The following YEATS2 variants were observed in gnomAD, a reference collection of about 807,000 sequenced individuals.
YEATS2 encodes the protein YEATS domain-containing protein 2.
A neutral mutation model predicts 163.2 loss-of-function variants in YEATS2; 77 were observed. The ratio of observed to expected loss-of-function variants is 0.47; its 90% confidence interval spans 0.39 to 0.57. YEATS2 has a LOEUF of 0.57. Ranked by LOEUF, YEATS2 falls within the 20% of genes least tolerant of loss-of-function variation. The pLI, the probability that YEATS2 is intolerant of heterozygous loss-of-function variation, is 0.00. For missense variants in YEATS2, 1,549 were observed against 1,729.8 expected (o/e 0.90, Z 1.85); for synonymous variants, 631 against 645.1 (o/e 0.98, Z 0.33).
chr3:183,806,792 T>C, intron 27 of YEATS2, 74 bp from the exon 28 acceptor site: 1 of 1,505,830 alleles, frequency 6.6e-7, no homozygotes. Context: ...CCTCAGACCA[T>C]GGGTCTCTTG....
chr3:183,800,324 T>C (rs1388678293), intron 23 of YEATS2, 142 bp from the exon 24 acceptor site: 2 of 623,134 alleles, frequency 3.2e-6, no homozygotes, highest in Non-Finnish European at 5.8e-6. Flanking sequence ...AGGAGCCATC[T>C]CAGTCCCCTG....
In YEATS2 at chr3:183,777,640, T is replaced by C; in HGVS notation, c.2676T>C (p.Ser892=). The C allele has an allele frequency of 6.2e-7, 1 of 1,614,206 alleles. No homozygotes were observed. The highest frequency in any genetic ancestry group is 8.5e-7 in the Non-Finnish European group (1 of 1,180,032). The change falls in exon 19 of 31, where the codon TCT becomes TCC. Residue 892 remains serine, a synonymous_variant. Coordinates refer to ENST00000305135, the MANE Select transcript of YEATS2 (RefSeq NM_018023.5). ...GAACACTGGGAGTCAGCACATCTTC[T>C]GCACAAGGACAACAAACGCTAAAAG... ...VQGTLGVSTS[S]AQGQQTLKVI... is the part of the protein sequence containing the mutation.
At chr3:183,745,647 G>A (rs1305023537) in intron 8 of YEATS2, among the ~76,000 whole-genome samples, 1 of 152,016 alleles carries the variant, frequency 6.6e-6, no homozygotes, top group Non-Finnish European at 1.5e-5. Context: ...CTAAATATTA[G>A]AGTTACATAA....
At chr3:183,703,185 A>T (rs1283509248) in intron 1 of YEATS2, among the ~76,000 whole-genome samples, 2 of 152,212 alleles carry the variant, frequency 1.3e-5, no homozygotes, top group East Asian at 3.8e-4. Flanking sequence ...TAATGACCAG[A>T]TCGCTCAGCT....
chr3:183,724,160 A>G (rs957604371), intron 5 of YEATS2, among the ~76,000 whole-genome samples: 1 of 152,108 alleles, frequency 6.6e-6, no homozygotes, highest in African/African-American at 2.4e-5. Flanking sequence ...TATCCTTCCA[A>G]ATCCTATTTG....
intron 21 of YEATS2, 145 bp downstream of exon 21, chr3:183,791,125 C>A: frequency 1.7e-6 from 2 of 1,145,342 alleles, no homozygotes; most frequent in Non-Finnish European, 2.4e-6. Context: ...CCTCTGCCTT[C>A]CAGGCTCAAG....
chr3:183,756,554 T>A lies in YEATS2; in HGVS notation c.1417T>A (p.Ser473Thr). 6.3e-7 allele frequency: 1 copy of A among 1,595,354 alleles called. No homozygotes were observed. Residue 473 changes from serine (S) to threonine (T), a missense_variant, in exon 12 of 31, where the codon TCA (serine) becomes ACA (threonine). Transcript: ENST00000305135. The stretch of plus-strand genomic sequence containing the variant: ...TTCCCCAATATCAACTCCAAGCCCA[T>A]CACCATTGCCTCGAACCCCGACTTC... ...SGSPISTPSP[S>T]PLPRTPTSTP...
rs529399631 is a variant in YEATS2 at position 183,812,219 on chromosome 3, G to C, written c.*1636G>C. 3.9e-5 allele frequency: 6 copies of C among 152,350 alleles called. No individual in the cohort carries two copies. Among genetic ancestry groups the C allele is most frequent in the African/African-American group, 1.2e-4 (5 of 41,584 alleles). 9.4% of individuals were successfully genotyped at this position (152,350 alleles called of 1,614,324 possible). A position where few individuals can be genotyped will look rare whatever the true frequency, so the allele number is the denominator to read the frequency against. Reference sequence around the variant, plus strand: ...CCACTGCACTCCAGCCCTGGTGACAGAGGAGACCCCGTCTCAAAAATTGAT... The same window carrying C: ...CCACTGCACTCCAGCCCTGGTGACACAGGAGACCCCGTCTCAAAAATTGAT... On this transcript the variant is annotated 3_prime_UTR_variant, in exon 31 of 31. Transcript: ENST00000305135.
At chr3:183,772,178 C>G in intron 15 of YEATS2, 127 bp from the exon 16 acceptor site, 1 of 1,321,184 alleles carries the variant, frequency 7.6e-7, no homozygotes, top group Non-Finnish European at 1.1e-6. Flanking sequence ...GTGTAGGTAG[C>G]TTTCCTAGAT....
intron 13 of YEATS2, among the ~76,000 whole-genome samples, chr3:183,760,188 T>G (rs1322202549): frequency 1.3e-5 from 2 of 152,210 alleles, no homozygotes; most frequent in Non-Finnish European, 2.9e-5. Context: ...TCTGCTGGTT[T>G]AATTTTTATT....
Position 183,747,736 on chromosome 3 carries a change from TATTATC to T in YEATS2, c.969+21_969+26del. ...GAGACGGTAGGTTTTTTTCCTACAGTATTATCTGGGAATGAGTAGGATGAAAATTGA... is the reference window on the plus strand; with the variant it reads ...GAGACGGTAGGTTTTTTTCCTACAGTTGGGAATGAGTAGGATGAAAATTGA... On this transcript the variant is annotated intron_variant, in intron 9 of 30. Transcript: ENST00000305135. The T allele has an allele frequency of 6.2e-7, 1 of 1,607,724 alleles. No homozygotes were observed. The highest frequency in any genetic ancestry group is 8.5e-7 in the Non-Finnish European group (1 of 1,174,974).
intron 1 of YEATS2, among the ~76,000 whole-genome samples, chr3:183,700,554 C>G (rs2108950970): frequency 6.7e-6 from 1 of 150,068 alleles, no homozygotes; most frequent in African/African-American, 2.4e-5. Context: ...TCACAGAAAA[C>G]AAGACTTGTG....
Position 183,706,670 on chromosome 3 carries a change from G to A in YEATS2, c.-19-8474G>A, listed in dbSNP as rs376867207. Among the ~76,000 whole-genome samples, 16 of 152,298 alleles carry A rather than the reference G, an allele frequency of 1.1e-4. 1 individual carries two copies. In the East Asian group the frequency reaches 2.9e-3, roughly 28 times the overall value. On this transcript the variant is annotated intron_variant, in intron 1 of 30. Transcript: ENST00000305135. ...CGTCTCTACTAAAAATACAAAATTA[G>A]CCCGGCGCGGTGGCGCATACTTGTA... is the stretch of plus-strand genomic sequence containing the variant.
intron 1 of YEATS2, among the ~76,000 whole-genome samples, chr3:183,701,943 A>C (rs529994204): frequency 1.3e-5 from 2 of 152,240 alleles, no homozygotes; most frequent in Middle Eastern, 3.4e-3. Flanking sequence ...AACTAGTTCT[A>C]CTTCTCCATG....
Position 183,786,169 on chromosome 3 carries a change from C to T in YEATS2, c.2781C>T (p.Ser927=). The change falls in exon 20 of 31, where the codon AGC becomes AGT. Residue 927 remains serine (S), a synonymous_variant. Coordinates refer to ENST00000305135, the MANE Select transcript of YEATS2 (RefSeq NM_018023.5). ...CATCTCTAATGAAAATATCCGATAG[C>T]ACCTTGAAGACTGTGCCAGCCACCT... ...GQASLMKISD[S]TLKTVPATSQ... 6 of 1,614,078 alleles carry T rather than the reference C, an allele frequency of 3.7e-6. No homozygotes were observed. The highest frequency in any genetic ancestry group is 5.1e-6 in the Non-Finnish European group (6 of 1,179,964).
At position 183,766,429 on chromosome 3, in the gene YEATS2, C is replaced by T. The variant is rs192771587; in HGVS notation, c.1947+4150C>T. On this transcript the variant is annotated intron_variant, in intron 15 of 30. Coordinates refer to ENST00000305135, the MANE Select transcript of YEATS2 (RefSeq NM_018023.5). ...ATATCTGGAGGGAAAATCTCAGATA[C>T]AGACTCTTCCCCTTCAGTTTGCTGA... 5.9e-5 allele frequency among the ~76,000 whole-genome samples: 9 copies of T among 152,332 alleles called. No homozygotes were observed. The East Asian group carries it at 1.7e-3, about 29-fold the overall frequency.
chr3:183,772,638 G>A (rs1437299600), intron 16 of YEATS2, 75 bp downstream of exon 16: 1 of 1,572,800 alleles, frequency 6.4e-7, no homozygotes, highest in Non-Finnish European at 8.7e-7. Flanking sequence ...GATTTTATTT[G>A]CTATTTGATC....
chr3:183,730,049 T>TTTGTTTGTTTGTTTG (rs1560244231), intron 7 of YEATS2, among the ~76,000 whole-genome samples: 26 of 66,602 alleles, frequency 3.9e-4, no homozygotes, highest in African/African-American at 1.4e-3. Flanking sequence ...TGGTTTTTTG[T>TTTGTTTGTTTGTTTG]TTGTTTTTTT....
intron 1 of YEATS2, among the ~76,000 whole-genome samples, chr3:183,706,727 A>G (rs1443109873): frequency 6.6e-6 from 1 of 152,202 alleles, no homozygotes; most frequent in African/African-American, 2.4e-5. Context: ...GAGGCAGGAG[A>G]ATCGCTTGAA....
Sources: allele counts gnomAD v4.1 joint callset (sites outside exome capture counted in the v4.1 genomes callset), GRCh38; gene constraint gnomAD v4.1.1; transcripts MANE v1.5; gene names NCBI Gene and HGNC (gene_info 2026-07-23, HGNC 2026-07-21).